The following SPDYE3 variants were observed in gnomAD, a reference collection of about 807,000 sequenced individuals.
SPDYE3 encodes speedy/RINGO cell cycle regulator family member E3.
Under a neutral mutation model 55.0 loss-of-function variants are expected in SPDYE3, and 15 were observed. That is an observed-to-expected ratio of 0.27 (90% CI 0.18 to 0.42). The LOEUF (loss-of-function observed/expected upper bound fraction) is 0.42, where lower values mean the gene tolerates loss of function less well. Among genes scored for constraint, SPDYE3 ranks in the 10% least tolerant of loss-of-function variants. The pLI, the probability that SPDYE3 is intolerant of heterozygous loss-of-function variation, is 1.00. For synonymous variants in SPDYE3, 89 were observed against 229.9 expected (o/e 0.39, Z 5.55); for missense variants, 236 against 576.7 (o/e 0.41, Z 6.05).
In SPDYE3 at chr7:100,320,028, G is replaced by C. The variant is rs1354004451; in HGVS notation, c.*38G>C. On this transcript the variant is annotated 3_prime_UTR_variant, in exon 10 of 11. Coordinates refer to ENST00000332397, the MANE Select transcript of SPDYE3 (RefSeq NM_001004351.5). Reference sequence around the variant, plus strand: ...CGTGGAGGCCTGAGGTCATCGGCCTGAGAGAAGGTACATCTGCATCCTCCG... The same window carrying C: ...CGTGGAGGCCTGAGGTCATCGGCCTCAGAGAAGGTACATCTGCATCCTCCG... 3 of 1,605,052 alleles carry C rather than the reference G, an allele frequency of 1.9e-6. No individual in the cohort carries two copies. The highest frequency in any genetic ancestry group is 2.5e-6 in the Non-Finnish European group (3 of 1,179,560).
chr7:100,309,699 T>G (rs1288890199), intron 2 of SPDYE3, among the ~76,000 whole-genome samples: 10 of 99,170 alleles, frequency 1.0e-4, no homozygotes, highest in East Asian at 4.9e-4. Flanking sequence ...CCAGTCTGGG[T>G]GAGAGAGTGA....
chr7:100,309,550 ACT>A, intron 2 of SPDYE3, among the ~76,000 whole-genome samples: 1 of 139,604 alleles, frequency 7.2e-6, no homozygotes, highest in South Asian at 2.3e-4. Flanking sequence ...ACAGAGCAAA[ACT>A]CTGCGTCAAA....
At chr7:100,317,542 T>A (rs1806133030) in intron 8 of SPDYE3, among the ~76,000 whole-genome samples, 1 of 150,946 alleles carries the variant, frequency 6.6e-6, no homozygotes, top group Non-Finnish European at 1.5e-5. Context: ...GAGGTGGAGG[T>A]TGCAGTAAGC....
chr7:100,318,243 C>G (rs986347252), intron 8 of SPDYE3, among the ~76,000 whole-genome samples: 4 of 152,148 alleles, frequency 2.6e-5, no homozygotes, highest in Non-Finnish European at 5.9e-5. Flanking sequence ...GAGTCTCTCC[C>G]CAAGCCAAGG....
In SPDYE3 at chr7:100,320,679, G is replaced by A. The variant is rs990496722; in HGVS notation, c.*46-212G>A. On this transcript the variant is annotated intron_variant, in intron 10 of 10. Transcript: ENST00000332397. ...AAGCAGATCACTGGGGCTGACCTTG[G>A]GTGTATTAAGTTTTGGAGTCAGGGT... is the stretch of plus-strand genomic sequence containing the variant. 16 of 1,070,386 alleles carry A rather than the reference G, an allele frequency of 1.5e-5. No individual in the cohort carries two copies. The South Asian group carries it at 2.6e-4, about 18-fold the overall frequency. 66.3% of individuals were successfully genotyped at this position (1,070,386 alleles called of 1,614,324 possible).
At position 100,320,133 on chromosome 7, in the gene SPDYE3, G is replaced by A. The variant is rs533735167; in HGVS notation, c.*45+98G>A. ...TGATCTGGCTTCAAGCCTCGGCAACGTGGCGAGATATCCCCTCTCCACAAA... is the reference window on the plus strand; with the variant it reads ...TGATCTGGCTTCAAGCCTCGGCAACATGGCGAGATATCCCCTCTCCACAAA... On this transcript the variant is annotated intron_variant, in intron 10 of 10. Transcript: ENST00000332397. The A allele has an allele frequency of 9.8e-4, 1,515 of 1,549,188 alleles. 1 individual carries two copies. The highest frequency in any genetic ancestry group is 1.1e-3 in the Non-Finnish European group (1,221 of 1,154,000).
rs558482666 is a variant in SPDYE3 at position 100,319,657 on chromosome 7, T to C, written c.1439T>C (p.Leu480Ser). 329 of 1,614,210 alleles carry C rather than the reference T, an allele frequency of 2.0e-4. 5 individuals are homozygous for C. In the South Asian group the frequency reaches 3.4e-3, roughly 17 times the overall value. ...GGGAAGACCCACTCTCACATACCCT[T>C]GCGCCCTAAGCATTGGTTCCAGTTA... ...LYGKTHSHIP[L>S]RPKHWFQLCR... The change falls in exon 9 of 11, where the codon TTG (leucine) becomes TCG (serine). Residue 480 changes from leucine (L) to serine (S), a missense_variant. Transcript: ENST00000332397.
intron 6 of SPDYE3, among the ~76,000 whole-genome samples, chr7:100,315,412 A>G (rs1806078186): frequency 6.6e-6 from 1 of 152,174 alleles, no homozygotes. Context: ...AAGTGTCTCC[A>G]TCCATAGTGG....
chr7:100,316,050 C>T (rs990767511), intron 7 of SPDYE3, among the ~76,000 whole-genome samples: 1 of 152,116 alleles, frequency 6.6e-6, no homozygotes, highest in African/African-American at 2.4e-5. Flanking sequence ...TGACTCACTG[C>T]AGCTGATGCC....
At chr7:100,308,500 A>C (rs187017136) in intron 1 of SPDYE3, among the ~76,000 whole-genome samples, 3 of 150,552 alleles carry the variant, frequency 2.0e-5, no homozygotes, top group Non-Finnish European at 3.0e-5. Flanking sequence ...CGTGAGGCCA[A>C]GAGTTTGAGA....
rs1417937490 is a variant in SPDYE3, at chr7:100,311,541, C to T, written c.545-209C>T. Among the ~76,000 whole-genome samples the T allele has an allele frequency of 2.9e-5, 4 of 137,180 alleles. 1 individual carries two copies. The highest frequency in any genetic ancestry group is 1.1e-4 in the African/African-American group (4 of 35,774). The allele number at this position is 137,180 out of a possible 152,430, so 90.0% of individuals were successfully genotyped here. On this transcript the variant is annotated intron_variant, in intron 3 of 10. Coordinates refer to ENST00000332397, the MANE Select transcript of SPDYE3 (RefSeq NM_001004351.5). ...AGCCAGGGACCAGGGAAGGATATGA[C>T]GCAGTGTTCTGAGGACAGAGAGAGG...
Position 100,308,125 on chromosome 7 carries a change from T to A in SPDYE3, c.106+134T>A, listed in dbSNP as rs1280918495. On this transcript the variant is annotated intron_variant, in intron 1 of 10. Coordinates refer to ENST00000332397, the MANE Select transcript of SPDYE3 (RefSeq NM_001004351.5). ...CGGGCAGATCACCTGAGGTCAGCAG[T>A]TCAAGACCAGCCTGGCCAACATGGT... 25 of 1,208,346 alleles carry A rather than the reference T, an allele frequency of 2.1e-5. No individual in the cohort carries two copies. In the Admixed American group the frequency reaches 5.9e-4, roughly 28 times the overall value. The allele number at this position is 1,208,346 out of a possible 1,614,324, so 74.9% of individuals were successfully genotyped here. A position where few individuals can be genotyped will look rare whatever the true frequency, so the allele number is the denominator to read the frequency against.
intron 10 of SPDYE3, 28 bp from the exon 11 acceptor site, chr7:100,320,863 G>A (rs3194860): frequency 8.3e-7 from 1 of 1,205,498 alleles, no homozygotes. Context: ...GTCTCCTTGA[G>A]GTGTGACATT....
chr7:100,315,977 T>C, intron 7 of SPDYE3, 134 bp downstream of exon 7: 2 of 1,438,558 alleles, frequency 1.4e-6, no homozygotes, highest in Admixed American at 1.9e-5. Context: ...TTTTTGTTTT[T>C]GTTTTTTTTT....
intron 7 of SPDYE3, among the ~76,000 whole-genome samples, chr7:100,316,799 C>G (rs1004984116): frequency 6.6e-6 from 1 of 152,170 alleles, no homozygotes; most frequent in Non-Finnish European, 1.5e-5. Context: ...CCTCCTGACA[C>G]CAGCCGACCT....
In SPDYE3 at chr7:100,312,495, TC is replaced by T. The variant is rs1415854152; in HGVS notation, c.763+528del. ...CTGGGTGAGAGAGTGAGACGCTGTC[TC>T]AAAAAAAAAAAAAAAAAAAGAAGAA... On this transcript the variant is annotated intron_variant, in intron 4 of 10. Transcript: ENST00000332397. Among the ~76,000 whole-genome samples, 39 of 73,840 alleles carry T rather than the reference TC, an allele frequency of 5.3e-4. 3 individuals are homozygous for T. Among genetic ancestry groups the T allele is most frequent in the Admixed American group, 8.6e-4 (6 of 6,998 alleles). The allele number at this position is 73,840 out of a possible 152,430, so 48.4% of individuals were successfully genotyped here.
intron 2 of SPDYE3, among the ~76,000 whole-genome samples, chr7:100,309,821 G>A (rs1805918357): frequency 1.3e-5 from 2 of 148,558 alleles, no homozygotes; most frequent in South Asian, 4.2e-4. Context: ...CAGGCTGGGT[G>A]CAGTGGCTCA....
At chr7:100,308,154 A>G (rs1468753228) in intron 1 of SPDYE3, among the ~76,000 whole-genome samples, 163 bp downstream of exon 1, 1 of 151,788 alleles carries the variant, frequency 6.6e-6, no homozygotes, top group Non-Finnish European at 1.5e-5. Context: ...ACATGGTGAA[A>G]CCCCATCTCT....
At chr7:100,309,785 G>C (rs1237512978) in intron 2 of SPDYE3, among the ~76,000 whole-genome samples, 1 of 146,640 alleles carries the variant, frequency 6.8e-6, no homozygotes, top group Admixed American at 6.8e-5. Context: ...AACCTGGGGA[G>C]GGTGTGTGGG....
Sources: allele counts gnomAD v4.1 joint callset (sites outside exome capture counted in the v4.1 genomes callset), GRCh38; gene constraint gnomAD v4.1.1; transcripts MANE v1.5; gene names NCBI Gene and HGNC (gene_info 2026-07-23, HGNC 2026-07-21).